Variants in ATP7B observed in about 807,000 individuals in gnomAD.
ATP7B encodes the protein copper-transporting ATPase 2.
Under a neutral mutation model 118.9 loss-of-function variants are expected in ATP7B, and 113 were observed. The observed-to-expected ratio is 0.95, with a 90% CI of 0.82 to 1.11. ATP7B has a LOEUF of 1.11. ATP7B is among the 50% of genes most tolerant of loss of function. The pLI is 0.00. For synonymous variants in ATP7B, 777 were observed against 727.4 expected, an observed-to-expected ratio of 1.07 and a Z score of -1.10; for missense variants, 1,867 against 1,871.4, an observed-to-expected ratio of 1.00 and a Z score of 0.04.
intron 5 of ATP7B, 189 bp downstream of exon 5, chr13:51,964,683 C>T: frequency 1.6e-6 from 1 of 627,718 alleles, no homozygotes; most frequent in Admixed American, 3.0e-5. Flanking sequence ...CACTGATATC[C>T]TCCCTCAGAT....
intron 1 of ATP7B, among the ~76,000 whole-genome samples, chr13:51,986,151 AATAG>A (rs1455457495): frequency 6.6e-6 from 1 of 152,200 alleles, no homozygotes; most frequent in Non-Finnish European, 1.5e-5. Flanking sequence ...AGATCAACAA[AATAG>A]ATAGACCGCT....
chr13:51,974,229 C>T lies in ATP7B; in HGVS notation c.991G>A (p.Ala331Thr), dbSNP rs1364486286. 1 of 1,614,132 alleles carries T rather than the reference C, an allele frequency of 6.2e-7. No individual in the cohort carries two copies. Among genetic ancestry groups the T allele is most frequent in the South Asian group, 1.1e-5 (1 of 91,074 alleles). Residue 331 changes from alanine (A) to threonine (T), a missense_variant, in exon 2 of 21, where the codon GCC becomes ACC. Ala to Thr is a moderately conservative substitution (Grantham distance 58, BLOSUM62 0). Transcript: ENST00000242839. ...GNFKVSLPDGAEGSGTDHRSS... is the reference protein window; with the variant it reads ...GNFKVSLPDGTEGSGTDHRSS... ...CTGTGATCTGTCCCACTCCCTTCGG[C>T]TCCATCAGGAAGAGAAACTTTAAAA... is the stretch of plus-strand genomic sequence containing the variant.
intron 13 of ATP7B, among the ~76,000 whole-genome samples, chr13:51,945,382 T>C (rs1957581191): frequency 6.6e-6 from 1 of 152,226 alleles, no homozygotes; most frequent in Admixed American, 6.5e-5. Flanking sequence ...TGTCTCAGGT[T>C]AGATGCTGGG....
intron 7 of ATP7B, 173 bp downstream of exon 7, chr13:51,959,975 C>CTACT: frequency 1.1e-6 from 1 of 915,364 alleles, no homozygotes. Flanking sequence ...CAAGCCCCAC[C>CTACT]TACTGGTCAT....
At chr13:51,992,553 T>C (rs1203844503) in intron 1 of ATP7B, among the ~76,000 whole-genome samples, 1 of 152,232 alleles carries the variant, frequency 6.6e-6, no homozygotes, top group African/African-American at 2.4e-5. Context: ...AGACTTTGAG[T>C]CACAATTGAA....
intron 5 of ATP7B, among the ~76,000 whole-genome samples, chr13:51,963,402 G>C (rs1424714751): frequency 2.0e-5 from 3 of 152,096 alleles, no homozygotes; most frequent in Admixed American, 6.5e-5. Flanking sequence ...CCAAGGGTGG[G>C]GCCCTGGACC....
Position 51,939,051 on chromosome 13 carries a change from C to CTTTAA in ATP7B, c.3698_3699insTTAAA (p.Gln1233HisfsTer2). 1.9e-6 allele frequency: 3 copies of CTTTAA among 1,614,246 alleles called. No homozygotes were observed. The highest frequency in any genetic ancestry group is 2.5e-6 in the Non-Finnish European group (3 of 1,180,048). Reference sequence around the variant, plus strand: ...AGTTTGCAACATTAAAGGGCTGTACCTGGGTGGCAATAGCTCTGGCTGTCT... The same window carrying CTTTAA: ...AGTTTGCAACATTAAAGGGCTGTACCTTTAATGGGTGGCAATAGCTCTGGCTGTCT... On this transcript the variant is annotated stop_gained and frameshift_variant and splice_region_variant, in exon 17 of 21. Coordinates refer to ENST00000242839, the MANE Select transcript of ATP7B (RefSeq NM_000053.4). LOFTEE classifies it high-confidence loss of function.
intron 1 of ATP7B, among the ~76,000 whole-genome samples, chr13:52,008,664 C>G (rs1190394221): frequency 2.6e-5 from 4 of 152,110 alleles, no homozygotes; most frequent in South Asian, 2.1e-4. Context: ...GGGACAAGAC[C>G]AAGTATATAT....
chr13:52,009,498 A>G (rs1224668339), intron 1 of ATP7B, among the ~76,000 whole-genome samples: 1 of 152,160 alleles, frequency 6.6e-6, no homozygotes, highest in Non-Finnish European at 1.5e-5. Flanking sequence ...TTTTTGGCCA[A>G]GCTTAGAGCC....
At chr13:51,993,759 A>G (rs1261894192) in intron 1 of ATP7B, among the ~76,000 whole-genome samples, 1 of 152,184 alleles carries the variant, frequency 6.6e-6, no homozygotes. Flanking sequence ...TAATCTACAA[A>G]GTGCTTTCAC....
Position 51,989,653 on chromosome 13 carries a change from C to G in ATP7B, c.52-14485G>C, listed in dbSNP as rs1409960721. 2.0e-5 allele frequency among the ~76,000 whole-genome samples: 3 copies of G among 152,056 alleles called. No individual in the cohort carries two copies. The East Asian group carries it at 5.8e-4, about 29-fold the overall frequency. On this transcript the variant is annotated intron_variant, in intron 1 of 20. Transcript: ENST00000242839. ...ATTTAGAAATTCACAAACTATAAGA[C>G]AGGGTATCGTCTCCAAGGAGCACTT...
chr13:51,958,809 A>C (rs1390838045), intron 7 of ATP7B: 7 of 491,902 alleles, frequency 1.4e-5, no homozygotes. Flanking sequence ...AATGGTGAAA[A>C]GTTGGGGAAA....
At chr13:51,950,547 G>T in intron 9 of ATP7B, 148 bp from the exon 10 acceptor site, 1 of 1,275,256 alleles carries the variant, frequency 7.8e-7, no homozygotes, top group Non-Finnish European at 1.1e-6. Context: ...TATTTATCGT[G>T]CAGCTGCTGA....
chr13:51,978,966 C>T (rs747781), intron 1 of ATP7B: 72,748 of 152,036 alleles, frequency 0.48, 17,518 homozygotes, highest in East Asian at 0.54. Context: ...TGCTTGCTGC[C>T]GGCTAGGGGC....
At chr13:51,976,347 A>C (rs1390729211) in intron 1 of ATP7B, among the ~76,000 whole-genome samples, 2 of 152,234 alleles carry the variant, frequency 1.3e-5, no homozygotes, top group Non-Finnish European at 2.9e-5. Context: ...TAACAACACA[A>C]ATGTTTAAAT....
chr13:51,979,252 T>C (rs1217373150), intron 1 of ATP7B, among the ~76,000 whole-genome samples: 1 of 152,184 alleles, frequency 6.6e-6, no homozygotes, highest in African/African-American at 2.4e-5. Context: ...TGTAGTTCAC[T>C]GAGAGGGCTA....
At chr13:51,984,475 A>G (rs1370969333) in intron 1 of ATP7B, among the ~76,000 whole-genome samples, 1 of 152,236 alleles carries the variant, frequency 6.6e-6, no homozygotes, top group Non-Finnish European at 1.5e-5. Context: ...AATGGAACCA[A>G]GTTGGAAAAC....
At chr13:51,937,169 C>A in intron 19 of ATP7B, 107 bp downstream of exon 19, 8 of 1,016,372 alleles carry the variant, frequency 7.9e-6, no homozygotes, top group African/African-American at 1.6e-5. Flanking sequence ...CTTTCTAAAA[C>A]GCCTCTAGCC....
Position 51,943,469 on chromosome 13 carries a change from T to C in ATP7B, c.3243+640A>G, listed in dbSNP as rs190013759. Among the ~76,000 whole-genome samples, 176 of 152,326 alleles carry C rather than the reference T, an allele frequency of 1.2e-3. No individual in the cohort carries two copies. In the Middle Eastern group the frequency reaches 0.017, roughly 15 times the overall value. On this transcript the variant is annotated intron_variant, in intron 14 of 20. Coordinates refer to ENST00000242839, the MANE Select transcript of ATP7B (RefSeq NM_000053.4). ...TGTCAATTGTTTTTCAAGGCAATGA[T>C]GTCACCTTTCTACATTTACTGCTAA...
Sources: gnomAD v4.1 joint callset for allele counts (sites outside exome capture counted in the v4.1 genomes callset) on GRCh38, gnomAD v4.1.1 for gene constraint, MANE v1.5 for transcripts, NCBI Gene and HGNC (gene_info 2026-07-23, HGNC 2026-07-21) for gene names.